FAM83H: variants seen among roughly 807,000 people sequenced by gnomAD.
FAM83H encodes the protein protein FAM83H.
FAM83H carries 24 observed loss-of-function variants against 30.2 expected under a neutral mutation model. The ratio of observed to expected loss-of-function variants is 0.79; its 90% CI spans 0.57 to 1.12. The LOEUF (loss-of-function observed/expected upper bound fraction) is 1.12. Ranked by LOEUF, FAM83H falls within the 50% of genes most tolerant of loss-of-function variation. The pLI, the probability that FAM83H is intolerant of heterozygous loss-of-function variation, is 0.00. For synonymous variants in FAM83H, 1,013 were observed against 821.7 expected, an observed-to-expected ratio of 1.23 and a Z score of -3.98; for missense variants, 2,038 against 1,773.9, an observed-to-expected ratio of 1.15 and a Z score of -2.67.
rs935761312 is a variant in FAM83H at position 143,724,928 on chromosome 8, T to G, written c.*993A>C. 6.6e-6 allele frequency: 1 copy of G among 152,222 alleles called. No homozygotes were observed. Among genetic ancestry groups the G allele is most frequent in the Admixed American group, 6.5e-5 (1 of 15,276 alleles). The allele number at this position is 152,222 out of a possible 1,614,324, so 9.4% of individuals were successfully genotyped here. On this transcript the variant is annotated 3_prime_UTR_variant, in exon 5 of 5. Transcript: ENST00000388913. ...GCCAAGGCGCCCCTTCGGGCTTCCC[T>G]GTGTCCCGTCCCCAGAGGCCTGCCC... is the stretch of plus-strand genomic sequence containing the variant.
At position 143,727,733 on chromosome 8, in the gene FAM83H, TGCCCGCCCCTCGG is replaced by T. The variant is rs1818356109; in HGVS notation, c.1715_1727del (p.Pro572GlnfsTer12). On this transcript the variant is annotated frameshift_variant, in exon 5 of 5. Transcript: ENST00000388913. LOFTEE classifies it low-confidence loss of function (END_TRUNC). ...AGGCCAAACGCCAGCGCCGCAGCCC[TGCCCGCCCCTCGG>T]GCCCGCCCCTGCGCTCCGGCTCCGC... The T allele has an allele frequency of 6.6e-6, 10 of 1,524,992 alleles. No homozygotes were observed. The highest frequency in any genetic ancestry group is 3.9e-5 in the Admixed American group (2 of 50,798). 94.5% of individuals were successfully genotyped at this position (1,524,992 alleles called of 1,614,324 possible). A position where few individuals can be genotyped will look rare whatever the true frequency, so the allele number is the denominator to read the frequency against.
In FAM83H at chr8:143,725,156, C is replaced by CGGGGGGGGGGGGGGGGGGGGG. The variant is rs549881150; in HGVS notation, c.*764_*765insCCCCCCCCCCCCCCCCCCCCC. ...AAGCCCAGGCGGGGGAGGGGGGAGA[C>CGGGGGGGGGGGGGGGGGGGGG]GGGGGGGGGGGGGGGGGAGGGAAGG... On this transcript the variant is annotated 3_prime_UTR_variant, in exon 5 of 5. Coordinates refer to ENST00000388913, the MANE Select transcript of FAM83H (RefSeq NM_198488.5). 2.9e-4 allele frequency: 11 copies of CGGGGGGGGGGGGGGGGGGGGG among 37,558 alleles called. No individual in the cohort carries two copies. Among genetic ancestry groups the CGGGGGGGGGGGGGGGGGGGGG allele is most frequent in the Admixed American group, 4.7e-4 (2 of 4,218 alleles). The allele number at this position is 37,558 out of a possible 1,614,324, so 2.3% of individuals were successfully genotyped here. A position where few individuals can be genotyped will look rare whatever the true frequency, so the allele number is the denominator to read the frequency against.
chr8:143,729,704 G>T (rs1818443806), intron 2 of FAM83H, among the ~76,000 whole-genome samples: 1 of 152,250 alleles, frequency 6.6e-6, no homozygotes, highest in African/African-American at 2.4e-5. Flanking sequence ...CGGGGTTGTT[G>T]CCCTGGGCAG....
chr8:143,729,323 C>A lies in FAM83H; in HGVS notation c.448G>T (p.Val150Leu). 1 of 1,612,998 alleles carries A rather than the reference C, an allele frequency of 6.2e-7. No homozygotes were observed. The highest frequency in any genetic ancestry group is 8.5e-7 in the Non-Finnish European group (1 of 1,179,974). ...AACATGTCCATCACCACGGCCACCA[C>A]CTGCAGGGGCGGGTCAGGACGGAGA... The part of the protein sequence containing the change: ...ARRMIRSAQQ[V>L]VAVVMDMFTD... The change falls in exon 3 of 5, where the codon GTG (valine) becomes TTG (leucine). Residue 150 changes from valine (V) to leucine (L), a missense_variant and splice_region_variant. Val to Leu is a conservative substitution (Grantham distance 32, BLOSUM62 1). Coordinates refer to ENST00000388913, the MANE Select transcript of FAM83H (RefSeq NM_198488.5).
In FAM83H at chr8:143,726,442, C is replaced by T. The variant is rs1554621788; in HGVS notation, c.3019G>A (p.Gly1007Ser). 1.9e-6 allele frequency: 3 copies of T among 1,602,796 alleles called. No individual in the cohort carries two copies. Among genetic ancestry groups the T allele is most frequent in the East Asian group, 2.2e-5 (1 of 44,658 alleles). The change falls in exon 5 of 5, where the codon GGT (glycine) becomes AGT (serine). Residue 1007 changes from glycine to serine, a missense_variant. Coordinates refer to ENST00000388913, the MANE Select transcript of FAM83H (RefSeq NM_198488.5). ...TCTGTGGCAGCCTCCGTGCTGTCAC[C>T]CTGGCCCAGTGACAGACGCCGCGGG... ...ESPRRLSLGQ[G>S]DSTEAATEER...
intron 1 of FAM83H, chr8:143,731,705 T>A: frequency 1.0e-6 from 1 of 985,472 alleles, no homozygotes; most frequent in Non-Finnish European, 1.2e-6. Context: ...AATCTGGCTC[T>A]CCACTTGCTC....
chr8:143,726,296 A>G lies in FAM83H; in HGVS notation c.3165T>C (p.Arg1055=), dbSNP rs368727305. 6 of 1,612,148 alleles carry G rather than the reference A, an allele frequency of 3.7e-6. No homozygotes were observed. The highest frequency in any genetic ancestry group is 4.2e-6 in the Non-Finnish European group (5 of 1,179,714). Residue 1055 remains arginine (R), a synonymous_variant, in exon 5 of 5, where the codon CGT becomes CGC. Transcript: ENST00000388913. ...EQISAHGQKH[R]AVPAPSPGPT... Reference sequence around the variant, plus strand: ...GGCCGGGGCTCGGGGCAGGGACCGCACGGTGCTTCTGGCCGTGGGCACTGA... The same window carrying G: ...GGCCGGGGCTCGGGGCAGGGACCGCGCGGTGCTTCTGGCCGTGGGCACTGA...
At position 143,726,349 on chromosome 8, in the gene FAM83H, C is replaced by T. The variant is rs1554621720; in HGVS notation, c.3112G>A (p.Asp1038Asn). The T allele has an allele frequency of 6.2e-7, 1 of 1,611,914 alleles. No individual in the cohort carries two copies. Among genetic ancestry groups the T allele is most frequent in the Non-Finnish European group, 8.5e-7 (1 of 1,179,688 alleles). The part of the protein sequence containing the change: ...ANALYSSNLR[D>N]DTKAILEQIS... ...TGCTCCAGAATGGCCTTCGTGTCAT[C>T]CCGAAGGTTGCTGCTGTACAAGGCG... The change falls in exon 5 of 5, where the codon GAT becomes AAT. Residue 1038 changes from aspartate (D) to asparagine (N), a missense_variant. Physicochemically the swap from Asp to Asn is conservative, Grantham distance 23. Transcript: ENST00000388913.
chr8:143,731,866 G>A (rs1231620568), intron 1 of FAM83H: 4 of 985,040 alleles, frequency 4.1e-6, no homozygotes, highest in African/African-American at 3.5e-5. Context: ...AAAGGTGTCA[G>A]ATGGGGAGCG....
chr8:143,733,526 C>A lies in FAM83H; in HGVS notation c.-16+165G>T, dbSNP rs1818608516. The stretch of plus-strand genomic sequence containing the variant: ...CCCCCTGTCCGAGCAGCCCCGCCAC[C>A]CCGGCCCCGCGCACGCGGCCGCGCT... On this transcript the variant is annotated intron_variant, in intron 1 of 4. Coordinates refer to ENST00000388913, the MANE Select transcript of FAM83H (RefSeq NM_198488.5). The surrounding 1 kb of genome is among the most constrained non-coding windows in gnomAD (Gnocchi z 5.6). Among the ~76,000 whole-genome samples the A allele has an allele frequency of 6.6e-6, 1 of 151,888 alleles. No homozygotes were observed. Among genetic ancestry groups the A allele is most frequent in the Non-Finnish European group, 1.5e-5 (1 of 67,908 alleles).
At position 143,727,725 on chromosome 8, in the gene FAM83H, C is replaced by G. The variant is rs781847094; in HGVS notation, c.1736G>C (p.Arg579Pro). The change falls in exon 5 of 5, where the codon CGG becomes CCG. Residue 579 changes from arginine to proline, a missense_variant. By Grantham distance (103) the Arg-to-Pro change is moderately radical. Coordinates refer to ENST00000388913, the MANE Select transcript of FAM83H (RefSeq NM_198488.5). Reference protein sequence around the residue: ...RGGPEGRAGLRRWRLASYLSG... With the variant: ...RGGPEGRAGLPRWRLASYLSG... ...CAAGTAGGAGGCCAAACGCCAGCGCCGCAGCCCTGCCCGCCCCTCGGGCCC... is the reference window on the plus strand; with the variant it reads ...CAAGTAGGAGGCCAAACGCCAGCGCGGCAGCCCTGCCCGCCCCTCGGGCCC... 6.5e-7 allele frequency: 1 copy of G among 1,537,720 alleles called. No individual in the cohort carries two copies. Among genetic ancestry groups the G allele is most frequent in the South Asian group, 1.2e-5 (1 of 84,562 alleles).
In FAM83H at chr8:143,727,921, T is replaced by C. The variant is rs1554622962; in HGVS notation, c.1540A>G (p.Ser514Gly). Residue 514 changes from serine to glycine, a missense_variant, in exon 5 of 5, where the codon AGC becomes GGC. Coordinates refer to ENST00000388913, the MANE Select transcript of FAM83H (RefSeq NM_198488.5). ...GHQRLDYVPS[S>G]ASREVRHGSD... Reference sequence around the variant, plus strand: ...CCGTGGCGCACCTCGCGGGACGCGCTGGACGGCACGTAGTCCAGCCGCTGG... The same window carrying C: ...CCGTGGCGCACCTCGCGGGACGCGCCGGACGGCACGTAGTCCAGCCGCTGG... The C allele has an allele frequency of 6.6e-7, 1 of 1,526,360 alleles. No individual in the cohort carries two copies. Among genetic ancestry groups the C allele is most frequent in the South Asian group, 1.2e-5 (1 of 83,150 alleles). 94.6% of individuals were successfully genotyped at this position (1,526,360 alleles called of 1,614,324 possible).
In FAM83H at chr8:143,725,669, G is replaced by C; in HGVS notation, c.*252C>G. On this transcript the variant is annotated 3_prime_UTR_variant, in exon 5 of 5. Transcript: ENST00000388913. ...GCAAGGCTGACGGTGCAGAGATGAAGGTGCTGAGGGGAGAAAGGCACTGGT... is the reference window on the plus strand; with the variant it reads ...GCAAGGCTGACGGTGCAGAGATGAACGTGCTGAGGGGAGAAAGGCACTGGT... 1 of 604,912 alleles carries C rather than the reference G, an allele frequency of 1.7e-6. No individual in the cohort carries two copies. The highest frequency in any genetic ancestry group is 2.9e-6 in the Non-Finnish European group (1 of 343,020). 37.5% of individuals were successfully genotyped at this position (604,912 alleles called of 1,614,324 possible). A position where few individuals can be genotyped will look rare whatever the true frequency, so the allele number is the denominator to read the frequency against.
rs1818334401 is a variant in FAM83H, at chr8:143,727,242, T to C, written c.2219A>G (p.Lys740Arg). 1.3e-6 allele frequency: 2 copies of C among 1,534,946 alleles called. No homozygotes were observed. Among genetic ancestry groups the C allele is most frequent in the East Asian group, 4.9e-5 (2 of 40,864 alleles). ...ASTKVAELLE[K>R]YKGPARDPGG... is the part of the protein sequence containing the mutation. ...GGGATCACGGGCTGGGCCCTTGTAC[T>C]TCTCCAGCAGCTCCGCCACCTTGGT... is the stretch of plus-strand genomic sequence containing the variant. Residue 740 changes from lysine (K) to arginine (R), a missense_variant, in exon 5 of 5, where the codon AAG becomes AGG. Coordinates refer to ENST00000388913, the MANE Select transcript of FAM83H (RefSeq NM_198488.5).
Position 143,725,057 on chromosome 8 carries a change from C to T in FAM83H, c.*864G>A, listed in dbSNP as rs973353721. 4 of 148,720 alleles carry T rather than the reference C, an allele frequency of 2.7e-5. No individual in the cohort carries two copies. The highest frequency in any genetic ancestry group is 1.4e-4 in the Admixed American group (2 of 14,778). The allele number at this position is 148,720 out of a possible 1,614,324, so 9.2% of individuals were successfully genotyped here. A position where few individuals can be genotyped will look rare whatever the true frequency, so the allele number is the denominator to read the frequency against. On this transcript the variant is annotated 3_prime_UTR_variant, in exon 5 of 5. Transcript: ENST00000388913. ...TGCCCGCAGCCAGCCCAGTCTTCCC[C>T]ACAGCAAGAGACGGGCCTCCAAAAA...
chr8:143,731,592 T>G, intron 1 of FAM83H: 1 of 985,448 alleles, frequency 1.0e-6, no homozygotes. Context: ...TTGGCCTACC[T>G]TTGACCTCTT....
chr8:143,732,370 G>A lies in FAM83H; in HGVS notation c.-16+1321C>T, dbSNP rs1233514538. 33 of 985,312 alleles carry A rather than the reference G, an allele frequency of 3.3e-5. No individual in the cohort carries two copies. The African/African-American group carries it at 5.6e-4, about 17-fold the overall frequency. The allele number at this position is 985,312 out of a possible 1,614,324, so 61.0% of individuals were successfully genotyped here. A position where few individuals can be genotyped will look rare whatever the true frequency, so the allele number is the denominator to read the frequency against. ...TCGAGGCCAACCACATGGGGGTGAG[G>A]TGTAGGCCTGTCTGGCTGGGCCGAG... On this transcript the variant is annotated intron_variant, in intron 1 of 4. Coordinates refer to ENST00000388913, the MANE Select transcript of FAM83H (RefSeq NM_198488.5).
chr8:143,729,993 C>G, intron 2 of FAM83H, 143 bp downstream of exon 2: 1 of 740,196 alleles, frequency 1.4e-6, no homozygotes, highest in South Asian at 2.0e-5. Flanking sequence ...GACCTGGCAG[C>G]CCTGAAGATC....
In FAM83H at chr8:143,728,532, CCCA is replaced by C; in HGVS notation, c.926_928del (p.Val309del). On this transcript the variant is annotated inframe_deletion, in exon 5 of 5. Coordinates refer to ENST00000388913, the MANE Select transcript of FAM83H (RefSeq NM_198488.5). ...GGTTGGCGCCCCGACCCCAGGGACG[CCCA>C]CGAGAGGCCCGGCCCCGGCATACGG... 1 of 1,566,260 alleles carries C rather than the reference CCCA, an allele frequency of 6.4e-7. No individual in the cohort carries two copies. The highest frequency in any genetic ancestry group is 1.2e-5 in the South Asian group (1 of 86,214).
Sources: gnomAD v4.1 joint callset for allele counts (sites outside exome capture counted in the v4.1 genomes callset) on GRCh38, gnomAD v4.1.1 for gene constraint, Gnocchi (gnomAD v3.1) non-coding constraint, MANE v1.5 for transcripts, NCBI Gene and HGNC (gene_info 2026-07-23, HGNC 2026-07-21) for gene names.